The following ZNF479 variants were observed in gnomAD, a reference collection of about 807,000 sequenced individuals.
ZNF479 encodes the protein KRAB zinc finger protein KR19.
A neutral mutation model predicts 14.7 loss-of-function variants in ZNF479; 15 were observed. The observed-to-expected ratio is 1.02, with a 90% CI of 0.68 to 1.57. The LOEUF (loss-of-function observed/expected upper bound fraction) is 1.57, where lower values mean the gene tolerates loss of function less well. ZNF479 is among the 40% of genes most tolerant of loss of function. The pLI, the probability that ZNF479 is intolerant of heterozygous loss-of-function variation, is 0.00. For missense variants in ZNF479, 506 were observed against 615.1 expected (o/e 0.82, Z 1.88); for synonymous variants, 145 against 211.5 (o/e 0.69, Z 2.73).
Position 57,131,574 on chromosome 7 carries a change from ACAAACAAACAAAC to A in ZNF479, c.39+699_39+711del, listed in dbSNP as rs1472555737. Among the ~76,000 whole-genome samples, 90 of 133,828 alleles carry A rather than the reference ACAAACAAACAAAC, an allele frequency of 6.7e-4. 2 individuals carry two copies. Among genetic ancestry groups the A allele is most frequent in the Non-Finnish European group, 1.0e-3 (63 of 60,848 alleles). The allele number at this position is 133,828 out of a possible 152,430, so 87.8% of individuals were successfully genotyped here. On this transcript the variant is annotated intron_variant, in intron 1 of 3. Coordinates refer to ENST00000319636, the MANE Select transcript of ZNF479 (RefSeq NM_001370129.2). Reference sequence around the variant, plus strand: ...CGAGACTCCCTCTCAAAAATAAAAAACAAACAAACAAACAAAAAAAAAACATTTCTTGTAAATT... The same window carrying A: ...CGAGACTCCCTCTCAAAAATAAAAAAAAAAAAAAAACATTTCTTGTAAATT...
upstream of ZNF479, among the ~76,000 whole-genome samples, chr7:57,132,520 T>C (rs1786481549): frequency 3.9e-5 from 6 of 152,056 alleles, no homozygotes; most frequent in Admixed American, 3.9e-4. Context: ...CCTGATTGGA[T>C]AAGGTTTCAG....
chr7:57,132,396 G>A lies in ZNF479; in HGVS notation c.-72C>T. The stretch of plus-strand genomic sequence containing the variant: ...CTAGGAGCAGAGGACACAGAGCAGT[G>A]AAGAGGAGAACTGCAGCTCTGGACG... On this transcript the variant is annotated 5_prime_UTR_variant, in exon 1 of 4. Transcript: ENST00000319636. The A allele has an allele frequency of 1.2e-6, 2 of 1,609,572 alleles. No individual in the cohort carries two copies. The highest frequency in any genetic ancestry group is 2.2e-5 in the South Asian group (2 of 90,970).
rs1785764428 is a variant in ZNF479 at position 57,118,238 on chromosome 7, A to G, written c.*1602T>C. Among the ~76,000 whole-genome samples the G allele has an allele frequency of 6.6e-6, 1 of 152,282 alleles. No homozygotes were observed. Among genetic ancestry groups the G allele is most frequent in the African/African-American group, 2.4e-5 (1 of 41,480 alleles). Reference sequence around the variant, plus strand: ...ATCTTCAAATTTTTCCTTTAATATAAAATGTGTACAATAAAATCTGTAATG... The same window carrying G: ...ATCTTCAAATTTTTCCTTTAATATAGAATGTGTACAATAAAATCTGTAATG... On this transcript the variant is annotated 3_prime_UTR_variant, in exon 4 of 4. Coordinates refer to ENST00000319636, the MANE Select transcript of ZNF479 (RefSeq NM_001370129.2).
At position 57,119,182 on chromosome 7, in the gene ZNF479, T is replaced by C. The variant is rs1385960803; in HGVS notation, c.*658A>G. ...CTTATTGTAGGGTTTCTCTTCAGTA[T>C]TAATTCTCTTATGTATAATAAGGGT... On this transcript the variant is annotated 3_prime_UTR_variant, in exon 4 of 4. Coordinates refer to ENST00000319636, the MANE Select transcript of ZNF479 (RefSeq NM_001370129.2). Among the ~76,000 whole-genome samples, 1 of 152,198 alleles carries C rather than the reference T, an allele frequency of 6.6e-6. No homozygotes were observed. Among genetic ancestry groups the C allele is most frequent in the East Asian group, 1.9e-4 (1 of 5,198 alleles).
intron 1 of ZNF479, among the ~76,000 whole-genome samples, chr7:57,128,764 A>G (rs917935587): frequency 2.0e-5 from 3 of 152,250 alleles, no homozygotes; most frequent in Non-Finnish European, 4.4e-5. Flanking sequence ...CAACAGCACA[A>G]GTAGAGAAGT....
In ZNF479 at chr7:57,119,966, A is replaced by C; in HGVS notation, c.1449T>G (p.His483Gln). Reference protein sequence around the residue: ...AFNCSSTLMQHKRIHTGEKPY... With the variant: ...AFNCSSTLMQQKRIHTGEKPY... ...GTTTCTCTCCAGTATGAATTCTCTT[A>C]TGTTGCATAAGGGTTGAGGAGCAAT... is the stretch of plus-strand genomic sequence containing the variant. Residue 483 changes from histidine to glutamine, a missense_variant, in exon 4 of 4, where the codon CAT (histidine) becomes CAG (glutamine). By Grantham distance (24) the His-to-Gln change is conservative (BLOSUM62 0). Coordinates refer to ENST00000319636, the MANE Select transcript of ZNF479 (RefSeq NM_001370129.2). 5 of 1,613,236 alleles carry C rather than the reference A, an allele frequency of 3.1e-6. No individual in the cohort carries two copies. Among genetic ancestry groups the C allele is most frequent in the Non-Finnish European group, 4.2e-6 (5 of 1,179,612 alleles).
intron 3 of ZNF479, among the ~76,000 whole-genome samples, chr7:57,124,277 C>T (rs1786066004): frequency 6.6e-6 from 1 of 152,074 alleles, no homozygotes; most frequent in Non-Finnish European, 1.5e-5. Flanking sequence ...CAGATAAAGA[C>T]ATGATAGAAC....
rs773493483 is a variant in ZNF479 at position 57,126,620 on chromosome 7, T to A, written c.138A>T (p.Leu46Phe). Residue 46 changes from leucine to phenylalanine, a missense_variant, in exon 2 of 4, where the codon TTA (leucine) becomes TTT (phenylalanine). Coordinates refer to ENST00000319636, the MANE Select transcript of ZNF479 (RefSeq NM_001370129.2). ...GGGAGACCAGGTTTCTGTAGTTCTC[T>A]AACATCACATCTCTATATAAATTCC... ...AQRNLYRDVM[L>F]ENYRNLVSLG... 7.4e-6 allele frequency: 12 copies of A among 1,613,860 alleles called. No homozygotes were observed. In the Admixed American group the frequency reaches 8.3e-5, roughly 11 times the overall value.
Position 57,119,978 on chromosome 7 carries a change from G to A in ZNF479, c.1437C>T (p.Thr479=), listed in dbSNP as rs1336858386. 3.7e-6 allele frequency: 6 copies of A among 1,613,494 alleles called. No homozygotes were observed. The highest frequency in any genetic ancestry group is 3.4e-6 in the Non-Finnish European group (4 of 1,179,788). The change falls in exon 4 of 4, where the codon ACC becomes ACT. Residue 479 remains threonine, a synonymous_variant. Transcript: ENST00000319636. ...ECGKAFNCSS[T]LMQHKRIHTG... The stretch of plus-strand genomic sequence containing the variant: ...TATGAATTCTCTTATGTTGCATAAG[G>A]GTTGAGGAGCAATTAAAGGCTTTGC...
chr7:57,123,655 G>A (rs1027694875), intron 3 of ZNF479, among the ~76,000 whole-genome samples: 1 of 151,974 alleles, frequency 6.6e-6, no homozygotes, highest in Non-Finnish European at 1.5e-5. Flanking sequence ...GGAACACAGT[G>A]AGACCCTGTC....
intron 1 of ZNF479, among the ~76,000 whole-genome samples, chr7:57,130,329 T>C (rs1419374290): frequency 1.3e-5 from 2 of 152,154 alleles, no homozygotes; most frequent in East Asian, 1.9e-4. Context: ...AAAAATTAGC[T>C]GGCTGTGGTG....
Position 57,119,270 on chromosome 7 carries a change from T to C in ZNF479, c.*570A>G, listed in dbSNP as rs184832023. On this transcript the variant is annotated 3_prime_UTR_variant, in exon 4 of 4. Transcript: ENST00000319636. ...TTGTAGAGTTTCTCTCTAGAATGAA[T>C]GATCAGATAATATGTAAGGCCTGAG... Among the ~76,000 whole-genome samples, 232 of 152,338 alleles carry C rather than the reference T, an allele frequency of 1.5e-3. No homozygotes were observed. The highest frequency in any genetic ancestry group is 5.8e-3 in the East Asian group (30 of 5,174).
rs1785778255 is a variant in ZNF479, at chr7:57,118,695, T to G, written c.*1145A>C. 6.6e-6 allele frequency among the ~76,000 whole-genome samples: 1 copy of G among 152,166 alleles called. No individual in the cohort carries two copies. The highest frequency in any genetic ancestry group is 1.5e-5 in the Non-Finnish European group (1 of 68,036). On this transcript the variant is annotated 3_prime_UTR_variant, in exon 4 of 4. Coordinates refer to ENST00000319636, the MANE Select transcript of ZNF479 (RefSeq NM_001370129.2). ...TATAATCCCTTTATTAAGTATAAAC[T>G]TTCTGATATTGAGTAAGATGTGACC...
upstream of ZNF479, among the ~76,000 whole-genome samples, chr7:57,133,253 C>T (rs1232367532): frequency 1.3e-5 from 2 of 152,156 alleles, no homozygotes; most frequent in Non-Finnish European, 2.9e-5. Context: ...TCTCAAGACA[C>T]CTGACAGTTT....
intron 3 of ZNF479, among the ~76,000 whole-genome samples, chr7:57,124,257 C>A (rs1453340846): frequency 1.3e-5 from 2 of 152,128 alleles, no homozygotes; most frequent in Non-Finnish European, 2.9e-5. Flanking sequence ...ATGTGGTACT[C>A]ACAAAAAGAC....
upstream of ZNF479, among the ~76,000 whole-genome samples, chr7:57,134,686 T>G (rs932319152): frequency 2.6e-5 from 3 of 116,632 alleles, no homozygotes; most frequent in African/African-American, 8.9e-5. Flanking sequence ...TTTTTTTTTT[T>G]GTCTTTGAGA....
rs782288052 is a variant in ZNF479 at position 57,120,059 on chromosome 7, G to C, written c.1356C>G (p.Leu452=). The part of the protein sequence containing the change: ...CGKAFSLSST[L]TDHKRIHTGE... ...CAGTATGAATTCTCTTGTGGTCAGTGAGGGTTGAGGATAAGCTAAAGGCTT... is the reference window on the plus strand; with the variant it reads ...CAGTATGAATTCTCTTGTGGTCAGTCAGGGTTGAGGATAAGCTAAAGGCTT... Residue 452 remains leucine, a synonymous_variant, in exon 4 of 4, where the codon CTC becomes CTG. Transcript: ENST00000319636. 1 of 1,610,834 alleles carries C rather than the reference G, an allele frequency of 6.2e-7. No homozygotes were observed. Among genetic ancestry groups the C allele is most frequent in the African/African-American group, 1.4e-5 (1 of 73,910 alleles).
chr7:57,120,016 A>AT lies in ZNF479; in HGVS notation c.1398dup (p.Cys467MetfsTer2), dbSNP rs1785835958. The AT allele has an allele frequency of 6.2e-7, 1 of 1,613,572 alleles. No individual in the cohort carries two copies. The highest frequency in any genetic ancestry group is 1.7e-5 in the Admixed American group (1 of 59,958). On this transcript the variant is annotated frameshift_variant, in exon 4 of 4. Coordinates refer to ENST00000319636, the MANE Select transcript of ZNF479 (RefSeq NM_001370129.2). LOFTEE classifies it high-confidence loss of function. ...TTAAAGGCTTTGCCACATTCTTCAC[A>AT]TGTGTAGGGTCTCTCTCCAGTATGA...
chr7:57,122,059 A>G (rs58975090), intron 3 of ZNF479, among the ~76,000 whole-genome samples: 42,305 of 151,796 alleles, frequency 0.28, 6,960 homozygotes, highest in East Asian at 0.53. Flanking sequence ...AGCTAAACAA[A>G]CAAACTAGGA....
Sources: allele counts gnomAD v4.1 joint callset (sites outside exome capture counted in the v4.1 genomes callset), GRCh38; gene constraint gnomAD v4.1.1; transcripts MANE v1.5; gene names NCBI Gene and HGNC (gene_info 2026-07-23, HGNC 2026-07-21).